The following DYNC2I1 variants were observed in gnomAD, a reference collection of about 807,000 sequenced individuals.
DYNC2I1 encodes the protein cytoplasmic dynein 2 intermediate chain 1.
Under a neutral mutation model 133.4 loss-of-function variants are expected in DYNC2I1, and 89 were observed. That is an observed-to-expected ratio of 0.67 (90% CI 0.56 to 0.80). The LOEUF is 0.80. Among genes scored for constraint, DYNC2I1 ranks in the 30% least tolerant of loss-of-function variants. DYNC2I1 has a pLI of 0.00. For missense variants in DYNC2I1, 1,291 were observed against 1,314.5 expected (o/e 0.98, Z 0.28); for synonymous variants, 504 against 484.3 (o/e 1.04, Z -0.54).
chr7:158,958,624 G>A (rs1852259604), downstream of DYNC2I1, among the ~76,000 whole-genome samples: 1 of 152,236 alleles, frequency 6.6e-6, no homozygotes, highest in Admixed American at 6.5e-5. Context: ...TAAATAGAAT[G>A]AGTTTCTAGT....
the DYNC2I1 span, among the ~76,000 whole-genome samples, chr7:158,840,316 A>G: frequency 2.6e-5 from 4 of 152,218 alleles, no homozygotes; most frequent in African/African-American, 9.7e-5. Context: ...CTATAATCCC[A>G]GCACTTTGGG....
intron 14 of DYNC2I1, among the ~76,000 whole-genome samples, chr7:158,914,986 T>C (rs1359161299): frequency 6.6e-6 from 1 of 152,254 alleles, no homozygotes; most frequent in East Asian, 1.9e-4. Flanking sequence ...ATCACTTTCT[T>C]GTATGTAAGC....
rs541449665 is a variant in DYNC2I1 at position 158,878,783 on chromosome 7, G to A, written c.574-901G>A. ...GCGAGGAGGGGAGGCCAGGAGGGCC[G>A]ACTCTGAGTGCCAGGTGCCATGTGG... On this transcript the variant is annotated intron_variant, in intron 4 of 24. Transcript: ENST00000407559. Among the ~76,000 whole-genome samples the A allele has an allele frequency of 4.2e-5, 6 of 141,916 alleles. No homozygotes were observed. In the South Asian group the frequency reaches 6.9e-4, roughly 16 times the overall value. 93.1% of individuals were successfully genotyped at this position (141,916 alleles called of 152,430 possible).
intron 24 of DYNC2I1, among the ~76,000 whole-genome samples, chr7:158,943,476 C>T (rs924908639): frequency 4.6e-5 from 7 of 152,054 alleles, no homozygotes; most frequent in Non-Finnish European, 2.9e-5. Flanking sequence ...AGGTCACGAG[C>T]GTGGGTCAGG....
the DYNC2I1 span, among the ~76,000 whole-genome samples, chr7:158,842,226 A>G: frequency 6.6e-6 from 1 of 152,050 alleles, no homozygotes; most frequent in Admixed American, 6.6e-5. Flanking sequence ...ATGGGGTTTC[A>G]CCATATTGGT....
intron 17 of DYNC2I1, 112 bp from the exon 18 acceptor site, chr7:158,926,075 A>G: frequency 2.6e-6 from 2 of 782,848 alleles, no homozygotes; most frequent in Non-Finnish European, 4.3e-6. Flanking sequence ...ATGTGTGGAG[A>G]GAGTTGGATC....
Position 158,873,434 on chromosome 7 carries a change from T to G in DYNC2I1, c.490+1872T>G, listed in dbSNP as rs535892295. ...ATCTGTTTATCCCCTTCACTGCTGG[T>G]GGCCATTTGAGTCGTTTGAAGATTT... On this transcript the variant is annotated intron_variant, in intron 3 of 24. Coordinates refer to ENST00000407559, the MANE Select transcript of DYNC2I1 (RefSeq NM_018051.5). Among the ~76,000 whole-genome samples, 5 of 152,298 alleles carry G rather than the reference T, an allele frequency of 3.3e-5. No homozygotes were observed. In the East Asian group the frequency reaches 9.6e-4, roughly 29 times the overall value.
At chr7:158,884,641 G>A (rs1844418083) in intron 6 of DYNC2I1, 22 bp downstream of exon 6, 2 of 1,611,966 alleles carry the variant, frequency 1.2e-6, no homozygotes, top group Non-Finnish European at 1.7e-6. Flanking sequence ...ATGCCCTGTG[G>A]TCGACCTTTA....
At chr7:158,949,894 C>T (rs1852003453), downstream of DYNC2I1, among the ~76,000 whole-genome samples, 1 of 152,112 alleles carries the variant, frequency 6.6e-6, no homozygotes. Flanking sequence ...GCCTCAGCCT[C>T]CCAAGTATCT....
chr7:158,856,617 C>G lies in DYNC2I1; in HGVS notation c.-119C>G, dbSNP rs1841252810. On this transcript the variant is annotated 5_prime_UTR_variant, in exon 1 of 25. Transcript: ENST00000407559. The stretch of plus-strand genomic sequence containing the variant: ...TGGGCCCTCTGCTGCTCCTGCTTGT[C>G]GGTTGCTAGGCGCTGGGACGCGCCT... 1 of 1,070,380 alleles carries G rather than the reference C, an allele frequency of 9.3e-7. No individual in the cohort carries two copies. The highest frequency in any genetic ancestry group is 3.2e-5 in the East Asian group (1 of 30,800). The allele number at this position is 1,070,380 out of a possible 1,614,324, so 66.3% of individuals were successfully genotyped here. A position where few individuals can be genotyped will look rare whatever the true frequency, so the allele number is the denominator to read the frequency against.
chr7:158,956,428 C>G (rs1382271265), intron 4 of DYNC2I1, among the ~76,000 whole-genome samples: 1 of 152,214 alleles, frequency 6.6e-6, no homozygotes, highest in Non-Finnish European at 1.5e-5. Flanking sequence ...GCAGCGGAGA[C>G]AGCGTGGTGC....
chr7:158,926,827 A>G (rs1458766504), intron 19 of DYNC2I1, among the ~76,000 whole-genome samples, 165 bp from the exon 20 acceptor site: 2 of 152,224 alleles, frequency 1.3e-5, no homozygotes, highest in Non-Finnish European at 2.9e-5. Flanking sequence ...CAAAGGAGTC[A>G]ACTTGTAGAG....
At chr7:158,868,003 G>A (rs1842555579) in intron 1 of DYNC2I1, among the ~76,000 whole-genome samples, 1 of 152,126 alleles carries the variant, frequency 6.6e-6, no homozygotes, top group Admixed American at 6.5e-5. Context: ...CAGCTACTCA[G>A]GAGGCTGAGG....
At chr7:158,861,119 C>G (rs1395724736) in intron 1 of DYNC2I1, among the ~76,000 whole-genome samples, 1 of 152,226 alleles carries the variant, frequency 6.6e-6, no homozygotes, top group African/African-American at 2.4e-5. Context: ...TTTGTTTTAG[C>G]CAACACCTGG....
chr7:158,859,018 CAG>C (rs1170119729), intron 1 of DYNC2I1, among the ~76,000 whole-genome samples: 1 of 126,552 alleles, frequency 7.9e-6, no homozygotes, highest in African/African-American at 3.1e-5. Flanking sequence ...TTCCTTTCTT[CAG>C]AGTCTTGCTC....
chr7:158,913,838 A>T (rs1045801648), intron 13 of DYNC2I1, among the ~76,000 whole-genome samples: 1 of 152,152 alleles, frequency 6.6e-6, no homozygotes, highest in Non-Finnish European at 1.5e-5. Context: ...CCTCCCGAGT[A>T]GCTGGGACTA....
chr7:158,865,917 C>T (rs1202353981), intron 1 of DYNC2I1, among the ~76,000 whole-genome samples: 1 of 152,142 alleles, frequency 6.6e-6, no homozygotes, highest in Non-Finnish European at 1.5e-5. Flanking sequence ...GGATAGAAAA[C>T]TTGAGGGTAA....
chr7:158,868,740 C>T (rs1319963091), intron 1 of DYNC2I1, among the ~76,000 whole-genome samples: 2 of 152,228 alleles, frequency 1.3e-5, no homozygotes, highest in African/African-American at 2.4e-5. Context: ...CTTGAGCATT[C>T]AGTCCACAGG....
downstream of DYNC2I1, among the ~76,000 whole-genome samples, chr7:158,949,422 C>T (rs777663813): frequency 6.6e-6 from 1 of 152,252 alleles, no homozygotes; most frequent in Non-Finnish European, 1.5e-5. Flanking sequence ...CCCACTCACT[C>T]CAGGGAGTAG....
Sources: gnomAD v4.1 joint callset for allele counts (sites outside exome capture counted in the v4.1 genomes callset) on GRCh38, gnomAD v4.1.1 for gene constraint, MANE v1.5 for transcripts, NCBI Gene and HGNC (gene_info 2026-07-23, HGNC 2026-07-21) for gene names.